SNTG1: variants seen among roughly 807,000 people sequenced by gnomAD.
SNTG1 encodes the protein gamma-1-syntrophin.
SNTG1 carries 39 observed loss-of-function variants against 74.7 expected under a neutral mutation model. That is an observed-to-expected ratio of 0.52 (90% confidence interval 0.40 to 0.68). SNTG1 has a LOEUF of 0.68. SNTG1 is among the 30% of genes least tolerant of loss of function. The pLI, the probability that SNTG1 is intolerant of heterozygous loss-of-function variation, is 0.00. For missense variants in SNTG1, 685 were observed against 609.5 expected (o/e 1.12, Z -1.30); for synonymous variants, 254 against 217.1 (o/e 1.17, Z -1.49).
intron 17 of SNTG1, among the ~76,000 whole-genome samples, chr8:50,732,401 CTTTG>C (rs1209885412): frequency 6.6e-6 from 1 of 151,796 alleles, no homozygotes; most frequent in African/African-American, 2.4e-5. Flanking sequence ...TTACAGGTGT[CTTTG>C]TTTGTTTTAA....
intron 11 of SNTG1, among the ~76,000 whole-genome samples, chr8:50,545,399 A>T (rs2094379875): frequency 6.6e-6 from 1 of 150,784 alleles, no homozygotes; most frequent in South Asian, 2.1e-4. Context: ...CTGGTCTTTT[A>T]ATCTCTTCAA....
intron 12 of SNTG1, among the ~76,000 whole-genome samples, chr8:50,555,636 C>G (rs1341027443): frequency 2.0e-5 from 3 of 151,900 alleles, no homozygotes; most frequent in Admixed American, 2.0e-4. Flanking sequence ...AGAGTATAGG[C>G]TTGTATAAGT....
intron 8 of SNTG1, among the ~76,000 whole-genome samples, chr8:50,478,164 A>G (rs922239687): frequency 2.6e-5 from 4 of 152,170 alleles, no homozygotes; most frequent in Non-Finnish European, 5.9e-5. Flanking sequence ...TTCAGGAAGG[A>G]ACCTCCAGAC....
intron 13 of SNTG1, among the ~76,000 whole-genome samples, chr8:50,615,639 A>C (rs2094880786): frequency 6.6e-6 from 1 of 152,218 alleles, no homozygotes; most frequent in Admixed American, 6.5e-5. Flanking sequence ...ACAAGAAAGC[A>C]TCAGAGTGCA....
At chr8:50,177,281 A>AGTCCTGCCTT (rs2131688243) in intron 2 of SNTG1, among the ~76,000 whole-genome samples, 1 of 152,174 alleles carries the variant, frequency 6.6e-6, no homozygotes, top group South Asian at 2.1e-4. Context: ...TGTTCATATG[A>AGTCCTGCCTT]CTTTCCACAT....
At chr8:50,360,074 G>T (rs945616959) in intron 2 of SNTG1, among the ~76,000 whole-genome samples, 1 of 152,050 alleles carries the variant, frequency 6.6e-6, no homozygotes, top group Non-Finnish European at 1.5e-5. Flanking sequence ...CAGTGAATGG[G>T]ATAATCAACA....
intron 13 of SNTG1, among the ~76,000 whole-genome samples, chr8:50,611,096 G>A (rs1450297587): frequency 3.9e-5 from 6 of 152,034 alleles, no homozygotes; most frequent in African/African-American, 9.7e-5. Flanking sequence ...GCACTAACTC[G>A]GCCTGAAGAG....
chr8:50,750,856 T>G (rs1345075638), intron 17 of SNTG1, among the ~76,000 whole-genome samples: 1 of 152,044 alleles, frequency 6.6e-6, no homozygotes, highest in Non-Finnish European at 1.5e-5. Flanking sequence ...ACTTGCTGTT[T>G]CGTGGTGGTC....
chr8:50,313,101 A>T (rs1408498448), intron 2 of SNTG1, among the ~76,000 whole-genome samples: 1 of 149,970 alleles, frequency 6.7e-6, no homozygotes, highest in Non-Finnish European at 1.5e-5. Context: ...TAGGAAAACC[A>T]GCTATTCACT....
chr8:50,424,219 C>T (rs1191018000), intron 4 of SNTG1, among the ~76,000 whole-genome samples: 2 of 152,244 alleles, frequency 1.3e-5, no homozygotes, highest in East Asian at 3.9e-4. Context: ...AGGTACCCTC[C>T]CTCAGCATCA....
chr8:50,775,032 T>G (rs547500654), intron 18 of SNTG1, among the ~76,000 whole-genome samples: 3 of 150,838 alleles, frequency 2.0e-5, no homozygotes, highest in Non-Finnish European at 4.4e-5. Context: ...ACATATATAG[T>G]GTTATAACCC....
rs370829792 is a variant in SNTG1 at position 50,401,097 on chromosome 8, AAATT to A, written c.28-1098_28-1095del. ...TACTATGTGCTAAATTTTTAATTTG[AAATT>A]AATTAATTAATTAACTCTGAGGATA... On this transcript the variant is annotated intron_variant, in intron 3 of 18. Transcript: ENST00000642720. Among the ~76,000 whole-genome samples the A allele has an allele frequency of 1.1e-4, 17 of 152,260 alleles. No individual in the cohort carries two copies. In the South Asian group the frequency reaches 1.7e-3, roughly 15 times the overall value.
chr8:50,683,503 T>C (rs535565182), intron 15 of SNTG1, among the ~76,000 whole-genome samples: 1 of 152,292 alleles, frequency 6.6e-6, no homozygotes, highest in East Asian at 1.9e-4. Context: ...TCTGACAAAA[T>C]GTGCAGGACT....
intron 1 of SNTG1, among the ~76,000 whole-genome samples, chr8:50,079,633 T>C (rs1822218492): frequency 6.6e-6 from 1 of 152,188 alleles, no homozygotes; most frequent in Non-Finnish European, 1.5e-5. Flanking sequence ...CCTGAAGTCT[T>C]TGCTCATGCC....
rs138798920 is a variant in SNTG1 at position 50,248,577 on chromosome 8, C to T, written c.-28+75942C>T. 4.1e-3 allele frequency among the ~76,000 whole-genome samples: 620 copies of T among 152,262 alleles called. 3 individuals carry two copies. The highest frequency in any genetic ancestry group is 0.014 in the South Asian group (68 of 4,826). On this transcript the variant is annotated intron_variant, in intron 2 of 18. Coordinates refer to ENST00000642720, the MANE Select transcript of SNTG1 (RefSeq NM_018967.5). ...CCTACTTCAGCCTTAATGATAAATTCTCCAGATTACAAGGCCTCTCTGGTC... is the reference window on the plus strand; with the variant it reads ...CCTACTTCAGCCTTAATGATAAATTTTCCAGATTACAAGGCCTCTCTGGTC...
rs2131064723 is a variant in SNTG1 at position 50,360,291 on chromosome 8, G to A, written c.-27-33921G>A. Among the ~76,000 whole-genome samples, 2 of 152,250 alleles carry A rather than the reference G, an allele frequency of 1.3e-5. 1 individual carries two copies. Among genetic ancestry groups the A allele is most frequent in the Middle Eastern group, 6.8e-3 (2 of 294 alleles). On this transcript the variant is annotated intron_variant, in intron 2 of 18. Coordinates refer to ENST00000642720, the MANE Select transcript of SNTG1 (RefSeq NM_018967.5). ...CCCATTTCCAAAATATTTTCTTGATGACTAGTAGTCATGTGGATTGCTCAG... is the reference window on the plus strand; with the variant it reads ...CCCATTTCCAAAATATTTTCTTGATAACTAGTAGTCATGTGGATTGCTCAG...
intron 1 of SNTG1, among the ~76,000 whole-genome samples, chr8:50,082,780 C>T (rs16914261): frequency 6.6e-6 from 1 of 152,142 alleles, no homozygotes; most frequent in Non-Finnish European, 1.5e-5. Context: ...CTTAGCACCC[C>T]TCTACTCTCT....
At chr8:50,120,913 T>A (rs2080976266) in intron 1 of SNTG1, among the ~76,000 whole-genome samples, 1 of 142,118 alleles carries the variant, frequency 7.0e-6, no homozygotes, top group Admixed American at 7.3e-5. Flanking sequence ...GGACAACTGA[T>A]CCTCTCTACA....
At chr8:50,401,605 A>G (rs1431798232) in intron 3 of SNTG1, among the ~76,000 whole-genome samples, 2 of 148,292 alleles carry the variant, frequency 1.3e-5, no homozygotes, top group Non-Finnish European at 3.0e-5. Flanking sequence ...GTGTGTGTGT[A>G]TGTGAGTGCG....
Sources: gnomAD v4.1 joint callset for allele counts (sites outside exome capture counted in the v4.1 genomes callset) on GRCh38, gnomAD v4.1.1 for gene constraint, MANE v1.5 for transcripts, NCBI Gene and HGNC (gene_info 2026-07-23, HGNC 2026-07-21) for gene names.